NCK2: variants seen among roughly 807,000 people sequenced by gnomAD.
NCK2 encodes the protein NCK adaptor protein 2.
NCK2 carries 16 observed loss-of-function variants against 33.9 expected under a neutral mutation model. The ratio of observed to expected loss-of-function variants is 0.47; its 90% CI spans 0.32 to 0.72. The LOEUF is 0.72. Among genes scored for constraint, NCK2 ranks in the 30% least tolerant of loss-of-function variants. NCK2 has a pLI of 0.03. For synonymous variants in NCK2, 273 were observed against 239.9 expected (o/e 1.14, Z -1.27); for missense variants, 418 against 537.3 (o/e 0.78, Z 2.19).
At chr2:105,768,248 G>A (rs1690011310) in intron 1 of NCK2, among the ~76,000 whole-genome samples, 1 of 152,332 alleles carries the variant, frequency 6.6e-6, no homozygotes, top group East Asian at 1.9e-4. Context: ...GACATAGCTG[G>A]ACTCACCACC....
At chr2:105,849,618 A>G (rs1676985364) in intron 2 of NCK2, among the ~76,000 whole-genome samples, 1 of 152,170 alleles carries the variant, frequency 6.6e-6, no homozygotes, top group African/African-American at 2.4e-5. Flanking sequence ...TCTGGTGCTA[A>G]ATGCTCTAAT....
At position 105,810,000 on chromosome 2, in the gene NCK2, G is replaced by A. The variant is rs919332893; in HGVS notation, c.-200-6430G>A. Among the ~76,000 whole-genome samples the A allele has an allele frequency of 3.6e-4, 55 of 152,160 alleles. 1 individual carries two copies. Among genetic ancestry groups the A allele is most frequent in the African/African-American group, 1.3e-3 (53 of 41,432 alleles). On this transcript the variant is annotated intron_variant, in intron 1 of 4. Coordinates refer to ENST00000233154, the MANE Select transcript of NCK2 (RefSeq NM_003581.5). ...CTGTGATGTCAGAATGGGCCTGAAAGGAGAGTGGGTGCTGAGGTCTCATTC... is the reference window on the plus strand; with the variant it reads ...CTGTGATGTCAGAATGGGCCTGAAAAGAGAGTGGGTGCTGAGGTCTCATTC...
At chr2:105,810,658 C>A (rs1196427606) in intron 1 of NCK2, among the ~76,000 whole-genome samples, 1 of 152,112 alleles carries the variant, frequency 6.6e-6, no homozygotes, top group Admixed American at 6.6e-5. Flanking sequence ...ATGTTGATTA[C>A]AAAGACAAGT....
chr2:105,765,803 G>GTGTGTGTGTGTGTC (rs1558826624), intron 1 of NCK2, among the ~76,000 whole-genome samples: 1 of 150,548 alleles, frequency 6.6e-6, no homozygotes, highest in East Asian at 2.0e-4. Flanking sequence ...GTGTGTGTGT[G>GTGTGTGTGTGTGTC]TGTGTGTGTG....
intron 1 of NCK2, among the ~76,000 whole-genome samples, chr2:105,800,449 GA>G (rs1273813332): frequency 6.6e-6 from 1 of 152,218 alleles, no homozygotes; most frequent in Non-Finnish European, 1.5e-5. Context: ...TTTAGAGCAT[GA>G]AATTCTGAGG....
chr2:105,891,825 G>A (rs1432311132), intron 4 of NCK2, among the ~76,000 whole-genome samples: 1 of 152,054 alleles, frequency 6.6e-6, no homozygotes, highest in Non-Finnish European at 1.5e-5. Flanking sequence ...GAGATTACAG[G>A]CGTGAGCTAC....
intron 1 of NCK2, among the ~76,000 whole-genome samples, chr2:105,766,113 T>A (rs1033385382): frequency 6.6e-6 from 1 of 151,654 alleles, no homozygotes; most frequent in Non-Finnish European, 1.5e-5. Context: ...CCTTCAAGAG[T>A]GTTAAAGGAA....
chr2:105,780,325 TACACACACACACACACACAC>T (rs57857814), intron 1 of NCK2, among the ~76,000 whole-genome samples: 2 of 147,362 alleles, frequency 1.4e-5, no homozygotes, highest in African/African-American at 2.5e-5. Context: ...GAGAGATATA[TACACACACACACACACACAC>T]ACACACACAC....
intron 2 of NCK2, among the ~76,000 whole-genome samples, chr2:105,837,945 G>T (rs947726753): frequency 5.9e-5 from 9 of 152,182 alleles, no homozygotes; most frequent in African/African-American, 2.2e-4. Flanking sequence ...AATTGTAGGA[G>T]TTCTTATATA....
chr2:105,835,409 G>GTGTATATATATATACGTA (rs56250020), intron 2 of NCK2, among the ~76,000 whole-genome samples: 3 of 59,324 alleles, frequency 5.1e-5, no homozygotes, highest in Non-Finnish European at 6.6e-5. Context: ...ATATATACGT[G>GTGTATATATATATACGTA]TATATATATA....
intron 1 of NCK2, among the ~76,000 whole-genome samples, chr2:105,811,025 A>AC (rs1356459962): frequency 1.3e-5 from 2 of 152,104 alleles, no homozygotes; most frequent in African/African-American, 4.8e-5. Flanking sequence ...AATACAAAAA[A>AC]GTAGCTGGGT....
At chr2:105,772,895 A>AT (rs34721498) in intron 1 of NCK2, among the ~76,000 whole-genome samples, 10,128 of 133,000 alleles carry the variant, frequency 0.076, 602 homozygotes, top group African/African-American at 0.13. Flanking sequence ...ACGTGTCCAC[A>AT]TTTTTTTTTT....
At chr2:105,771,776 A>G (rs945018857) in intron 1 of NCK2, among the ~76,000 whole-genome samples, 2 of 152,218 alleles carry the variant, frequency 1.3e-5, no homozygotes, top group Admixed American at 6.5e-5. Flanking sequence ...CGCTACTGGC[A>G]GCTTTTTCTA....
chr2:105,874,600 G>A (rs547591042), intron 3 of NCK2, among the ~76,000 whole-genome samples: 7 of 152,302 alleles, frequency 4.6e-5, no homozygotes, highest in African/African-American at 1.2e-4. Context: ...TGAGCACACC[G>A]CGTCTAAACG....
chr2:105,868,207 C>T (rs531205154), intron 3 of NCK2, among the ~76,000 whole-genome samples: 2 of 152,358 alleles, frequency 1.3e-5, no homozygotes, highest in Admixed American at 6.5e-5. Context: ...CCTGCATTGA[C>T]TCATGTCAGT....
intron 1 of NCK2, among the ~76,000 whole-genome samples, chr2:105,808,727 G>A (rs1675181137): frequency 6.6e-6 from 1 of 152,182 alleles, no homozygotes; most frequent in Non-Finnish European, 1.5e-5. Flanking sequence ...ACATGACTTG[G>A]ATCCTGATTC....
At chr2:105,771,373 C>G (rs917656500) in intron 1 of NCK2, among the ~76,000 whole-genome samples, 2 of 151,834 alleles carry the variant, frequency 1.3e-5, no homozygotes, top group Non-Finnish European at 2.9e-5. Flanking sequence ...TCAAGACCAG[C>G]CTGACCAACA....
At chr2:105,847,468 C>T (rs1475700626) in intron 2 of NCK2, among the ~76,000 whole-genome samples, 1 of 151,930 alleles carries the variant, frequency 6.6e-6, no homozygotes, top group Non-Finnish European at 1.5e-5. Flanking sequence ...GTGGTGAATG[C>T]CGCTGTAGGG....
At position 105,869,685 on chromosome 2, in the gene NCK2, T is replaced by G. The variant is rs959932469; in HGVS notation, c.227-11643T>G. ...AACTTTTGCCAGTGGATTGACACTT[T>G]AAGCAGTGCTCCAGAATGCCGTGTC... On this transcript the variant is annotated intron_variant, in intron 3 of 4. Coordinates refer to ENST00000233154, the MANE Select transcript of NCK2 (RefSeq NM_003581.5). Among the ~76,000 whole-genome samples the G allele has an allele frequency of 2.6e-5, 4 of 152,334 alleles. No individual in the cohort carries two copies. The South Asian group carries it at 8.3e-4, about 32-fold the overall frequency.
Sources: gnomAD v4.1 joint callset for allele counts (sites outside exome capture counted in the v4.1 genomes callset) on GRCh38, gnomAD v4.1.1 for gene constraint, MANE v1.5 for transcripts, NCBI Gene and HGNC (gene_info 2026-07-23, HGNC 2026-07-21) for gene names.